Variants in TIAM2 observed in about 807,000 individuals in gnomAD.
TIAM2 encodes the protein TIAM Rac1 associated GEF 2, also known as rho guanine nucleotide exchange factor TIAM2.
A neutral mutation model predicts 152.9 loss-of-function variants in TIAM2; 80 were observed. The ratio of observed to expected loss-of-function variants is 0.52; its 90% confidence interval spans 0.44 to 0.63. The LOEUF (loss-of-function observed/expected upper bound fraction) is 0.63. TIAM2 is among the 30% of genes least tolerant of loss of function. The probability of loss-of-function intolerance (pLI) is 0.00; values close to 1 mark genes in which losing one functional copy is unlikely to be tolerated. For missense variants in TIAM2, 1,965 were observed against 2,120.1 expected, an observed-to-expected ratio of 0.93 and a Z score of 1.44; for synonymous variants, 804 against 838.0, an observed-to-expected ratio of 0.96 and a Z score of 0.70.
chr6:155,123,986 CTTTA>C (rs909148780), intron 2 of TIAM2, among the ~76,000 whole-genome samples: 15 of 152,088 alleles, frequency 9.9e-5, no homozygotes, highest in African/African-American at 2.9e-4. Flanking sequence ...AGGCTTTGAA[CTTTA>C]TTTATTTGTT....
At chr6:155,105,715 T>G (rs1016508271) in intron 2 of TIAM2, among the ~76,000 whole-genome samples, 8 of 151,978 alleles carry the variant, frequency 5.3e-5, no homozygotes, top group Non-Finnish European at 1.2e-4. Flanking sequence ...CCTCCCAAAG[T>G]GTTGGAATCA....
At chr6:155,151,956 TGCGTCA>T (rs1779981278) in intron 7 of TIAM2, among the ~76,000 whole-genome samples, 1 of 150,618 alleles carries the variant, frequency 6.6e-6, no homozygotes, top group African/African-American at 2.4e-5. Flanking sequence ...GCGATTCCCA[TGCGTCA>T]GCCTCCTGAG....
In TIAM2 at chr6:155,158,230, TA is replaced by T. The variant is rs147619223; in HGVS notation, c.2029-6176del. Among the ~76,000 whole-genome samples, 387 of 151,908 alleles carry T rather than the reference TA, an allele frequency of 2.5e-3. 2 individuals are homozygous for T. The highest frequency in any genetic ancestry group is 8.7e-3 in the African/African-American group (361 of 41,482). On this transcript the variant is annotated intron_variant, in intron 7 of 26. Coordinates refer to ENST00000682666, the MANE Select transcript of TIAM2 (RefSeq NM_012454.4). ...TGGCAGGAATGTACTTGTCATCTTT[TA>T]AAAAAAAATCATTATTCATTTGTTA...
Position 155,176,634 on chromosome 6 carries a change from G to T in TIAM2, c.2362-182G>T, listed in dbSNP as rs1230429079. 2.6e-5 allele frequency among the ~76,000 whole-genome samples: 4 copies of T among 152,324 alleles called. No individual in the cohort carries two copies. The East Asian group carries it at 7.7e-4, about 29-fold the overall frequency. ...TTTCACTCTGCTTCCCATGGCTGCA[G>T]TTTCATCTGATAAAATGAGTGAGGA... On this transcript the variant is annotated intron_variant, in intron 9 of 26. Transcript: ENST00000682666.
chr6:155,183,121 A>G, intron 13 of TIAM2, 116 bp from the exon 14 acceptor site: 2 of 1,349,560 alleles, frequency 1.5e-6, no homozygotes, highest in South Asian at 1.5e-5. Flanking sequence ...GAAGAAAGCA[A>G]CAAACAAAAC....
At chr6:155,048,935 G>A (rs1035416596) in intron 1 of TIAM2, among the ~76,000 whole-genome samples, 31 of 151,888 alleles carry the variant, frequency 2.0e-4, no homozygotes, top group Non-Finnish European at 3.4e-4. Flanking sequence ...TGAGTAGCTG[G>A]GACTATAGGT....
At chr6:155,029,132 G>A in intron 1 of TIAM2, among the ~76,000 whole-genome samples, 2 of 119,946 alleles carry the variant, frequency 1.7e-5, no homozygotes, top group African/African-American at 6.2e-5. Context: ...TATGTACTAT[G>A]TGTTATATAC....
chr6:155,247,816 G>T (rs1340286458), intron 19 of TIAM2, among the ~76,000 whole-genome samples, 184 bp from the exon 20 acceptor site: 1 of 152,202 alleles, frequency 6.6e-6, no homozygotes, highest in Non-Finnish European at 1.5e-5. Context: ...GCTCTGTCAG[G>T]GCTGTGAGGC....
intron 1 of TIAM2, among the ~76,000 whole-genome samples, chr6:155,037,852 T>C (rs928656607): frequency 5.9e-5 from 9 of 152,142 alleles, no homozygotes; most frequent in African/African-American, 2.2e-4. Flanking sequence ...TTCTGAGTCC[T>C]TACTTCTTCT....
rs537113648 is a variant in TIAM2 at position 155,156,430 on chromosome 6, G to A, written c.2029-7985G>A. ...AGCATTTTGGGAGGCCAAGGTGGGC[G>A]GATCACTTGAGGTCAGGAGTTCAAG... On this transcript the variant is annotated intron_variant, in intron 7 of 26. Coordinates refer to ENST00000682666, the MANE Select transcript of TIAM2 (RefSeq NM_012454.4). The surrounding 1 kb of genome is among the most constrained non-coding windows in gnomAD (Gnocchi z 4.4). Among the ~76,000 whole-genome samples the A allele has an allele frequency of 8.5e-5, 13 of 152,238 alleles. No individual in the cohort carries two copies. The highest frequency in any genetic ancestry group is 2.2e-4 in the African/African-American group (9 of 41,556).
At chr6:155,057,772 C>T (rs533971436) in intron 1 of TIAM2, among the ~76,000 whole-genome samples, 36 of 151,986 alleles carry the variant, frequency 2.4e-4, no homozygotes, top group African/African-American at 8.0e-4. Flanking sequence ...TCTGGAACCC[C>T]TGGCCTCAGG....
chr6:155,244,872 C>A (rs6924082), intron 18 of TIAM2, 89 bp downstream of exon 18: 35 of 1,435,170 alleles, frequency 2.4e-5, no homozygotes, highest in Non-Finnish European at 3.1e-5. Flanking sequence ...GAAAGAATTT[C>A]TTGTCCTGTG....
At chr6:155,204,018 T>C (rs1389022904) in intron 14 of TIAM2, among the ~76,000 whole-genome samples, 2 of 152,174 alleles carry the variant, frequency 1.3e-5, no homozygotes, top group Non-Finnish European at 2.9e-5. Context: ...GTCATCATAA[T>C]GATTCCAGGG....
chr6:155,110,316 TTC>T (rs1367405673), intron 2 of TIAM2, among the ~76,000 whole-genome samples: 1 of 111,744 alleles, frequency 8.9e-6, no homozygotes, highest in Non-Finnish European at 1.8e-5. Flanking sequence ...CCTCTTTCTT[TTC>T]TTTTTTTTTT....
intron 18 of TIAM2, 53 bp downstream of exon 18, chr6:155,244,836 T>G: frequency 6.5e-7 from 1 of 1,542,478 alleles, no homozygotes; most frequent in Non-Finnish European, 8.8e-7. Flanking sequence ...ATGGTACGTA[T>G]TTCTCTCATG....
At chr6:155,120,860 T>G (rs1281683701) in intron 2 of TIAM2, among the ~76,000 whole-genome samples, 3 of 152,196 alleles carry the variant, frequency 2.0e-5, no homozygotes, top group African/African-American at 7.2e-5. Flanking sequence ...AAATGTCCCT[T>G]GGGGGACAAA....
Position 155,088,382 on chromosome 6 carries a change from C to T in TIAM2, c.-208-1907C>T, listed in dbSNP as rs191568880. ...AGGCGTGAGCCACTGCACCCGGCCC[C>T]GGTATAGGTGTATTTCTATAGCATG... On this transcript the variant is annotated intron_variant, in intron 1 of 26. Transcript: ENST00000682666. Among the ~76,000 whole-genome samples, 771 of 152,100 alleles carry T rather than the reference C, an allele frequency of 5.1e-3. 8 individuals carry two copies. Among genetic ancestry groups the T allele is most frequent in the Non-Finnish European group, 5.1e-3 (346 of 68,008 alleles).
rs1237940905 is a variant in TIAM2 at position 155,257,484 on chromosome 6, C to CT, written c.*366dup. 4 of 333,914 alleles carry CT rather than the reference C, an allele frequency of 1.2e-5. No homozygotes were observed. The highest frequency in any genetic ancestry group is 4.7e-5 in the Admixed American group (1 of 21,208). The allele number at this position is 333,914 out of a possible 1,614,324, so 20.7% of individuals were successfully genotyped here. On this transcript the variant is annotated 3_prime_UTR_variant, in exon 27 of 27. Transcript: ENST00000682666. ...TTTTTTAAAATCCTCTGGGCATTTT[C>CT]TTTCAGCTGTTTGTTAGTTTTTGCT...
intron 1 of TIAM2, among the ~76,000 whole-genome samples, chr6:155,037,006 T>C (rs1293653012): frequency 2.0e-5 from 3 of 152,206 alleles, no homozygotes; most frequent in African/African-American, 7.2e-5. Context: ...CACGGCTCTC[T>C]ATAACTTTTT....
Sources: gnomAD v4.1 joint callset for allele counts (sites outside exome capture counted in the v4.1 genomes callset) on GRCh38, gnomAD v4.1.1 for gene constraint, Gnocchi (gnomAD v3.1) non-coding constraint, MANE v1.5 for transcripts, NCBI Gene and HGNC (gene_info 2026-07-23, HGNC 2026-07-21) for gene names.